Variants in MYO18B observed in about 807,000 individuals in gnomAD.
MYO18B encodes myosin XVIIIB, also known as unconventional myosin-XVIIIb.
Under a neutral mutation model 273.0 loss-of-function variants are expected in MYO18B, and 204 were observed. The observed-to-expected ratio is 0.75, with a 90% confidence interval of 0.67 to 0.84. MYO18B has a LOEUF of 0.84. Among genes scored for constraint, MYO18B ranks in the 40% least tolerant of loss-of-function variants. The probability of loss-of-function intolerance (pLI) is 0.00; values close to 1 mark genes in which losing one functional copy is unlikely to be tolerated. For synonymous variants in MYO18B, 1,330 were observed against 1,305.7 expected, an observed-to-expected ratio of 1.02 and a Z score of -0.40; for missense variants, 3,212 against 3,287.6, an observed-to-expected ratio of 0.98 and a Z score of 0.56.
chr22:25,906,570 A>G (rs186283067), intron 31 of MYO18B, among the ~76,000 whole-genome samples: 13 of 152,334 alleles, frequency 8.5e-5, no homozygotes, highest in Admixed American at 2.6e-4. Flanking sequence ...AGGTGCTGGG[A>G]CAGTAGAGTA....
At chr22:25,924,734 A>G (rs1207222397) in intron 34 of MYO18B, among the ~76,000 whole-genome samples, 1 of 152,082 alleles carries the variant, frequency 6.6e-6, no homozygotes, top group East Asian at 1.9e-4. Context: ...GTTTTAGAGG[A>G]TTGTACTTCT....
intron 26 of MYO18B, 107 bp from the exon 27 acceptor site, chr22:25,891,197 C>A: frequency 3.6e-6 from 3 of 843,812 alleles, no homozygotes; most frequent in African/African-American, 1.7e-5. Context: ...TGGCTCAGGG[C>A]TGTGCAGAGG....
intron 34 of MYO18B, among the ~76,000 whole-genome samples, chr22:25,945,558 G>C (rs1355399166): frequency 6.6e-6 from 1 of 152,004 alleles, no homozygotes; most frequent in African/African-American, 2.4e-5. Flanking sequence ...CTTTCTCCCA[G>C]GTGTGAGTTG....
chr22:25,834,998 G>A (rs2089845251), intron 16 of MYO18B, among the ~76,000 whole-genome samples: 1 of 152,150 alleles, frequency 6.6e-6, no homozygotes, highest in Non-Finnish European at 1.5e-5. Context: ...TCCAAGGAAG[G>A]TATTTTCAGT....
At chr22:26,022,076 C>T (rs1935867907) in intron 42 of MYO18B, among the ~76,000 whole-genome samples, 1 of 152,068 alleles carries the variant, frequency 6.6e-6, no homozygotes, top group African/African-American at 2.4e-5. Flanking sequence ...TCTGGAGCCT[C>T]TCCTTGAAGA....
chr22:25,895,851 C>T (rs374327324), intron 28 of MYO18B, among the ~76,000 whole-genome samples: 23 of 151,784 alleles, frequency 1.5e-4, no homozygotes, highest in African/African-American at 4.8e-4. Context: ...TTGTAAATTT[C>T]GTTTTTGAGC....
At chr22:26,012,287 TC>T (rs1934978309) in intron 42 of MYO18B, among the ~76,000 whole-genome samples, 1 of 152,202 alleles carries the variant, frequency 6.6e-6, no homozygotes, top group South Asian at 2.1e-4. Flanking sequence ...AACAGCTCGT[TC>T]CCAAAGTGGG....
rs745750330 is a variant in MYO18B at position 25,832,929 on chromosome 22, G to A, written c.2992G>A (p.Val998Met). 5.6e-6 allele frequency: 9 copies of A among 1,613,644 alleles called. No individual in the cohort carries two copies. Among genetic ancestry groups the A allele is most frequent in the Non-Finnish European group, 6.8e-6 (8 of 1,179,802 alleles). ...LQRYQEEGVP[V>M]QFDLPDPSPG... ...TGTTATTTTCCAGGAAGGTGTTCCT[G>A]TGCAGTTTGACCTCCCGGACCCCTC... The change falls in exon 16 of 44, where the codon GTG becomes ATG. Residue 998 changes from valine to methionine, a missense_variant. By Grantham distance (21) the Val-to-Met change is conservative. Coordinates refer to ENST00000335473, the MANE Select transcript of MYO18B (RefSeq NM_032608.7).
At position 25,785,435 on chromosome 22, in the gene MYO18B, C is replaced by T; in HGVS notation, c.2320C>T (p.Leu774=). The part of the protein sequence containing the change: ...AGLDLDLRTE[L]NLHQMADSSS... ...TTCCTTCTGTGCTTCCAGGACGGAGCTGAACCTGCACCAGATGGCAGATAG... is the reference window on the plus strand; with the variant it reads ...TTCCTTCTGTGCTTCCAGGACGGAGTTGAACCTGCACCAGATGGCAGATAG... Residue 774 remains leucine (L), a synonymous_variant, in exon 11 of 44, where the codon CTG becomes TTG. Transcript: ENST00000335473. 1 of 1,609,492 alleles carries T rather than the reference C, an allele frequency of 6.2e-7. No individual in the cohort carries two copies. The highest frequency in any genetic ancestry group is 8.5e-7 in the Non-Finnish European group (1 of 1,178,082).
At chr22:25,837,637 C>T (rs376368872) in intron 17 of MYO18B, among the ~76,000 whole-genome samples, 21 of 152,292 alleles carry the variant, frequency 1.4e-4, no homozygotes, top group African/African-American at 3.8e-4. Context: ...GACCTCTGTC[C>T]GAGACATTCA....
chr22:25,763,475 C>T, intron 3 of MYO18B, 86 bp downstream of exon 3: 2 of 1,453,212 alleles, frequency 1.4e-6, no homozygotes, highest in Non-Finnish European at 1.9e-6. Flanking sequence ...ATTTGTCATC[C>T]TGCCTTTGCT....
At chr22:25,755,439 C>T (rs533214265) in intron 1 of MYO18B, among the ~76,000 whole-genome samples, 1 of 152,356 alleles carries the variant, frequency 6.6e-6, no homozygotes, top group South Asian at 2.1e-4. Flanking sequence ...CTCCTGACCT[C>T]AGGTGATCCG....
intron 39 of MYO18B, among the ~76,000 whole-genome samples, chr22:25,990,876 C>A (rs2093262850): frequency 6.6e-6 from 1 of 151,918 alleles, no homozygotes; most frequent in South Asian, 2.1e-4. Flanking sequence ...TATGTATGTT[C>A]CTTTACACAG....
At chr22:25,837,396 C>T (rs1331832125) in intron 17 of MYO18B, among the ~76,000 whole-genome samples, 1 of 152,180 alleles carries the variant, frequency 6.6e-6, no homozygotes, top group Admixed American at 6.5e-5. Flanking sequence ...CTGGAAGCCA[C>T]AGGAGGGATT....
chr22:25,891,619 C>T (rs2091663931), intron 27 of MYO18B, among the ~76,000 whole-genome samples: 1 of 152,158 alleles, frequency 6.6e-6, no homozygotes, highest in African/African-American at 2.4e-5. Context: ...AACAATATCC[C>T]AGGTAACAAA....
the MYO18B span, among the ~76,000 whole-genome samples, chr22:26,060,872 C>G: frequency 9.6e-6 from 1 of 104,120 alleles, no homozygotes. Context: ...CACAAACACA[C>G]AGTTTTACAT....
chr22:26,031,182 T>C (rs1231534189), downstream of MYO18B: 6 of 373,750 alleles, frequency 1.6e-5, no homozygotes, highest in Non-Finnish European at 2.8e-5. Flanking sequence ...AATGCTGCCT[T>C]TATTTAAATT....
At chr22:26,003,377 G>T (rs902316771) in intron 41 of MYO18B, 68 bp downstream of exon 41, 25 of 1,382,688 alleles carry the variant, frequency 1.8e-5, no homozygotes, top group Admixed American at 5.8e-5. Flanking sequence ...TGTCCAGTTT[G>T]CAGAGGGAAC....
chr22:25,866,595 C>G (rs1332068187), intron 21 of MYO18B, among the ~76,000 whole-genome samples: 1 of 151,878 alleles, frequency 6.6e-6, no homozygotes, highest in Admixed American at 6.6e-5. Flanking sequence ...AATCCCAGCA[C>G]TATGGGAGGC....
Sources: gnomAD v4.1 joint callset for allele counts (sites outside exome capture counted in the v4.1 genomes callset) on GRCh38, gnomAD v4.1.1 for gene constraint, MANE v1.5 for transcripts, NCBI Gene and HGNC (gene_info 2026-07-23, HGNC 2026-07-21) for gene names.